The following ULK4 variants were observed in gnomAD, a reference collection of about 807,000 sequenced individuals.
ULK4 encodes unc-51 like kinase 4.
A neutral mutation model predicts 160.6 loss-of-function variants in ULK4; 133 were observed. The observed-to-expected ratio is 0.83, with a 90% CI of 0.72 to 0.96. The LOEUF (loss-of-function observed/expected upper bound fraction) is 0.96, where lower values mean the gene tolerates loss of function less well. ULK4 is among the 40% of genes least tolerant of loss of function. The pLI, the probability that ULK4 is intolerant of heterozygous loss-of-function variation, is 0.00. For missense variants in ULK4, 1,580 were observed against 1,499.5 expected (o/e 1.05, Z -0.89); for synonymous variants, 534 against 539.8 (o/e 0.99, Z 0.15).
chr3:41,501,070 T>C (rs1381784003), intron 32 of ULK4, among the ~76,000 whole-genome samples: 2 of 152,146 alleles, frequency 1.3e-5, no homozygotes, highest in African/African-American at 4.8e-5. Flanking sequence ...ACACAGCCAC[T>C]AGGATGGTTA....
intron 32 of ULK4, among the ~76,000 whole-genome samples, chr3:41,542,586 G>T (rs2086732641): frequency 6.6e-6 from 1 of 152,158 alleles, no homozygotes; most frequent in Non-Finnish European, 1.5e-5. Flanking sequence ...AACAATTTCA[G>T]AAGGAATGGT....
intron 8 of ULK4, among the ~76,000 whole-genome samples, chr3:41,913,586 A>T (rs746892104): frequency 6.6e-6 from 1 of 152,190 alleles, no homozygotes; most frequent in Non-Finnish European, 1.5e-5. Flanking sequence ...TTTATTTCAC[A>T]ACAGAGGCAA....
chr3:41,817,225 C>T (rs2040997370), intron 19 of ULK4, among the ~76,000 whole-genome samples: 1 of 152,118 alleles, frequency 6.6e-6, no homozygotes, highest in Non-Finnish European at 1.5e-5. Flanking sequence ...AAGAATGTGG[C>T]GCCATTCCAT....
At chr3:41,276,971 T>C (rs957526319) in intron 35 of ULK4, among the ~76,000 whole-genome samples, 3 of 152,144 alleles carry the variant, frequency 2.0e-5, no homozygotes, top group African/African-American at 7.2e-5. Context: ...AAGGCTACTA[T>C]GAACACCTTT....
At chr3:41,958,839 T>C (rs1366047188) in intron 1 of ULK4, among the ~76,000 whole-genome samples, 1 of 152,214 alleles carries the variant, frequency 6.6e-6, no homozygotes, top group Admixed American at 6.5e-5. Flanking sequence ...ACAGACCTTA[T>C]GGTTTCTGTC....
At chr3:41,708,633 T>G (rs535783702) in intron 25 of ULK4, among the ~76,000 whole-genome samples, 192 of 152,154 alleles carry the variant, frequency 1.3e-3, no homozygotes, top group Non-Finnish European at 2.4e-3. Context: ...TCCCAGCTAC[T>G]TGGGAGGCTG....
intron 25 of ULK4, among the ~76,000 whole-genome samples, chr3:41,706,416 T>G (rs187884680): frequency 3.8e-4 from 56 of 145,818 alleles, no homozygotes; most frequent in African/African-American, 1.4e-3. Flanking sequence ...TAATTAAATA[T>G]ATATTAAACA....
chr3:41,669,674 G>A (rs1344915432), intron 29 of ULK4, among the ~76,000 whole-genome samples: 1 of 152,126 alleles, frequency 6.6e-6, no homozygotes, highest in Non-Finnish European at 1.5e-5. Context: ...TATATATAAT[G>A]TAAAATACTG....
intron 32 of ULK4, among the ~76,000 whole-genome samples, chr3:41,495,737 A>G (rs1481170308): frequency 6.6e-6 from 1 of 151,844 alleles, no homozygotes; most frequent in Admixed American, 6.6e-5. Context: ...TACAAGAAAA[A>G]AACAAACAAC....
At chr3:41,454,583 T>C (rs1376075786) in intron 34 of ULK4, among the ~76,000 whole-genome samples, 3 of 149,740 alleles carry the variant, frequency 2.0e-5, no homozygotes, top group Non-Finnish European at 4.5e-5. Context: ...AAAAAGATGA[T>C]AGAATTAATT....
intron 31 of ULK4, among the ~76,000 whole-genome samples, chr3:41,594,752 A>G (rs1357889423): frequency 1.3e-5 from 2 of 152,218 alleles, no homozygotes; most frequent in African/African-American, 4.8e-5. Flanking sequence ...AAGAAAATCA[A>G]ATCTAGCAAA....
chr3:41,783,935 C>T (rs1217721779), intron 21 of ULK4, among the ~76,000 whole-genome samples: 1 of 151,990 alleles, frequency 6.6e-6, no homozygotes, highest in Non-Finnish European at 1.5e-5. Flanking sequence ...ACAAAGTAAA[C>T]TAGAAAAATA....
intron 32 of ULK4, among the ~76,000 whole-genome samples, chr3:41,563,315 T>C (rs1270382739): frequency 6.6e-6 from 1 of 152,146 alleles, no homozygotes; most frequent in Non-Finnish European, 1.5e-5. Flanking sequence ...TCAACCTTGG[T>C]GAATCTGACA....
intron 22 of ULK4, 93 bp downstream of exon 22, chr3:41,754,268 C>G (rs2038720843): frequency 7.3e-7 from 1 of 1,370,026 alleles, no homozygotes; most frequent in Non-Finnish European, 9.7e-7. Flanking sequence ...AAAAAAAATA[C>G]CAGATACACA....
intron 22 of ULK4, among the ~76,000 whole-genome samples, chr3:41,747,000 TA>T (rs2038443527): frequency 6.6e-6 from 1 of 151,678 alleles, no homozygotes; most frequent in African/African-American, 2.4e-5. Flanking sequence ...ACTTTATGCG[TA>T]AAATTAACTC....
intron 1 of ULK4, among the ~76,000 whole-genome samples, chr3:41,961,764 TC>T (rs1700682626): frequency 6.6e-6 from 1 of 152,212 alleles, no homozygotes; most frequent in African/African-American, 2.4e-5. Context: ...GCACTCTCTC[TC>T]CCCGCTGCAC....
chr3:41,656,723 A>C (rs775736950), intron 30 of ULK4, among the ~76,000 whole-genome samples: 1 of 152,224 alleles, frequency 6.6e-6, no homozygotes, highest in Non-Finnish European at 1.5e-5. Flanking sequence ...CTAAAATTTC[A>C]CTGTGGTGAA....
chr3:41,642,099 CCT>C (rs2034232721), intron 30 of ULK4, among the ~76,000 whole-genome samples: 1 of 149,580 alleles, frequency 6.7e-6, no homozygotes, highest in Non-Finnish European at 1.5e-5. Context: ...GTCTCGAACC[CCT>C]GACCTCAGGT....
At chr3:41,359,204 C>A (rs2081083270) in intron 35 of ULK4, among the ~76,000 whole-genome samples, 1 of 152,164 alleles carries the variant, frequency 6.6e-6, no homozygotes, top group Admixed American at 6.5e-5. Context: ...CCATGAGAAG[C>A]CTGAGGTGCC....
Sources: allele counts gnomAD v4.1 joint callset (sites outside exome capture counted in the v4.1 genomes callset), GRCh38; gene constraint gnomAD v4.1.1; transcripts MANE v1.5; gene names NCBI Gene and HGNC (gene_info 2026-07-23, HGNC 2026-07-21).